Variants in C1GALT1 observed in about 807,000 individuals in gnomAD.
C1GALT1 encodes the protein glycoprotein-N-acetylgalactosamine 3-beta-galactosyltransferase 1.
Under a neutral mutation model 31.0 loss-of-function variants are expected in C1GALT1, and 11 were observed. The observed-to-expected ratio is 0.36, with a 90% CI of 0.22 to 0.59. C1GALT1 has a LOEUF of 0.59. C1GALT1 is among the 20% of genes least tolerant of loss of function. The pLI, the probability that C1GALT1 is intolerant of heterozygous loss-of-function variation, is 0.79. For missense variants in C1GALT1, 424 were observed against 425.2 expected (o/e 1.00, Z 0.03); for synonymous variants, 175 against 143.6 (o/e 1.22, Z -1.56).
intron 1 of C1GALT1, among the ~76,000 whole-genome samples, chr7:7,195,834 T>C (rs1156394470): frequency 6.6e-6 from 1 of 152,190 alleles, no homozygotes; most frequent in African/African-American, 2.4e-5. Flanking sequence ...GTAATTGTTT[T>C]ATAAATTAGG....
At chr7:7,163,937 G>T (rs1217104027) in intron 2 of C1GALT1, among the ~76,000 whole-genome samples, 4 of 151,858 alleles carry the variant, frequency 2.6e-5, no homozygotes, top group African/African-American at 9.7e-5. Flanking sequence ...AGCTACCAAT[G>T]ACTTTCTTCA....
rs1783901405 is a variant in C1GALT1, at chr7:7,247,712, C to G, written c.*3985C>G. Reference sequence around the variant, plus strand: ...ACTATAATTCTTTGACAGTTTCTGCCTGGTGTTTATTGCCCTTCTTTGTTT... The same window carrying G: ...ACTATAATTCTTTGACAGTTTCTGCGTGGTGTTTATTGCCCTTCTTTGTTT... On this transcript the variant is annotated 3_prime_UTR_variant, in exon 4 of 4. Coordinates refer to ENST00000436587, the MANE Select transcript of C1GALT1 (RefSeq NM_020156.5). 1 of 151,962 alleles carries G rather than the reference C, an allele frequency of 6.6e-6. No homozygotes were observed. Among genetic ancestry groups the G allele is most frequent in the Admixed American group, 6.6e-5 (1 of 15,258 alleles). 9.4% of individuals were successfully genotyped at this position (151,962 alleles called of 1,614,324 possible).
intron 1 of C1GALT1, among the ~76,000 whole-genome samples, chr7:7,216,491 C>T (rs1037226209): frequency 6.9e-6 from 1 of 145,444 alleles, no homozygotes; most frequent in African/African-American, 2.7e-5. Context: ...GCCTGGATCC[C>T]CCCTCCCCCA....
intron 1 of C1GALT1, among the ~76,000 whole-genome samples, chr7:7,217,660 G>C (rs1782306827): frequency 6.6e-6 from 1 of 152,176 alleles, no homozygotes; most frequent in Non-Finnish European, 1.5e-5. Context: ...TACAACAGAA[G>C]CAGTTCTTTT....
chr7:7,228,344 A>G (rs1225616793), intron 1 of C1GALT1, among the ~76,000 whole-genome samples: 1 of 152,196 alleles, frequency 6.6e-6, no homozygotes, highest in Non-Finnish European at 1.5e-5. Flanking sequence ...TCAGTTGTCA[A>G]GCTTGGAAAT....
intron 2 of C1GALT1, among the ~76,000 whole-genome samples, chr7:7,158,971 G>A (rs570078716): frequency 1.3e-5 from 2 of 152,234 alleles, no homozygotes; most frequent in South Asian, 2.1e-4. Flanking sequence ...CTTGATCTGA[G>A]GGCGGTCATA....
At chr7:7,162,864 C>T (rs1302532295) in intron 2 of C1GALT1, among the ~76,000 whole-genome samples, 1 of 152,106 alleles carries the variant, frequency 6.6e-6, no homozygotes, top group Admixed American at 6.6e-5. Context: ...CTCTGATGGC[C>T]AGCGATGGTG....
chr7:7,192,749 A>G (rs1781129565), intron 1 of C1GALT1, among the ~76,000 whole-genome samples: 1 of 152,064 alleles, frequency 6.6e-6, no homozygotes, highest in Non-Finnish European at 1.5e-5. Context: ...CATAGTGGTT[A>G]TACTAGTTTA....
intron 1 of C1GALT1, among the ~76,000 whole-genome samples, chr7:7,227,513 G>T (rs1045455166): frequency 6.6e-6 from 1 of 152,094 alleles, no homozygotes; most frequent in Non-Finnish European, 1.5e-5. Flanking sequence ...GAGGTCGGGA[G>T]ATCGAGACCA....
intron 2 of C1GALT1, among the ~76,000 whole-genome samples, chr7:7,236,055 G>T (rs1042114211): frequency 6.6e-6 from 1 of 151,964 alleles, no homozygotes; most frequent in African/African-American, 2.4e-5. Context: ...TTCTACCTAG[G>T]TCCCTATCTA....
chr7:7,232,469 A>G (rs1783123502), intron 1 of C1GALT1, among the ~76,000 whole-genome samples: 1 of 148,280 alleles, frequency 6.7e-6, no homozygotes, highest in Non-Finnish European at 1.5e-5. Context: ...GAGAAATGTA[A>G]TGGAAAGGGC....
At chr7:7,242,423 A>C (rs1412093732) in intron 3 of C1GALT1, among the ~76,000 whole-genome samples, 10 of 152,082 alleles carry the variant, frequency 6.6e-5, no homozygotes, top group Non-Finnish European at 1.3e-4. Context: ...ATAACAGCAG[A>C]GAAAACGCAG....
intron 2 of C1GALT1, among the ~76,000 whole-genome samples, chr7:7,174,597 A>G (rs1183725755): frequency 1.3e-5 from 2 of 151,930 alleles, no homozygotes; most frequent in African/African-American, 4.8e-5. Flanking sequence ...GAAAAAAAAA[A>G]AGTAGCTATA....
upstream of C1GALT1, among the ~76,000 whole-genome samples, chr7:7,181,863 G>A (rs971431438): frequency 6.6e-5 from 10 of 152,186 alleles, no homozygotes; most frequent in African/African-American, 2.4e-4. Flanking sequence ...TCAACAGGTG[G>A]CAGCCTCCTC....
intron 1 of C1GALT1, chr7:7,183,473 G>A (rs57552003): frequency 0.42 from 185,114 of 437,640 alleles, 40,991 homozygotes; most frequent in East Asian, 0.94. Flanking sequence ...GGGGCATTCG[G>A]GGCATGGAGG....
chr7:7,183,243 C>A (rs1453932470), intron 1 of C1GALT1, among the ~76,000 whole-genome samples: 1 of 152,080 alleles, frequency 6.6e-6, no homozygotes, highest in Non-Finnish European at 1.5e-5. Context: ...CTCCCCGCCC[C>A]GCCGCAGACC....
At position 7,189,936 on chromosome 7, in the gene C1GALT1, T is replaced by G. The variant is rs1203186455; in HGVS notation, c.-18+7116T>G. On this transcript the variant is annotated intron_variant, in intron 1 of 3. Coordinates refer to ENST00000436587, the MANE Select transcript of C1GALT1 (RefSeq NM_020156.5). ...AATACCATTTCTTCAATAAGCCACCTTTTTCTTGATTTGAAATGCTGTTTA... is the reference window on the plus strand; with the variant it reads ...AATACCATTTCTTCAATAAGCCACCGTTTTCTTGATTTGAAATGCTGTTTA... Among the ~76,000 whole-genome samples, 5 of 152,290 alleles carry G rather than the reference T, an allele frequency of 3.3e-5. No individual in the cohort carries two copies. In the East Asian group the frequency reaches 9.7e-4, roughly 29 times the overall value.
intron 1 of C1GALT1, among the ~76,000 whole-genome samples, chr7:7,209,868 C>T (rs561744095): frequency 8.6e-5 from 13 of 152,012 alleles, no homozygotes; most frequent in Admixed American, 5.9e-4. Context: ...TTTTATAAAA[C>T]GGCCTATTTA....
At chr7:7,200,767 C>T (rs1371348186) in intron 1 of C1GALT1, among the ~76,000 whole-genome samples, 4 of 152,198 alleles carry the variant, frequency 2.6e-5, no homozygotes, top group African/African-American at 7.2e-5. Context: ...CACTGATACT[C>T]TTTCTTCCAC....
Sources: gnomAD v4.1 joint callset for allele counts (sites outside exome capture counted in the v4.1 genomes callset) on GRCh38, gnomAD v4.1.1 for gene constraint, MANE v1.5 for transcripts, NCBI Gene and HGNC (gene_info 2026-07-23, HGNC 2026-07-21) for gene names.